SHE: variants seen among roughly 807,000 people sequenced by gnomAD.
SHE encodes Src homology 2 domain containing E.
A neutral mutation model predicts 49.8 loss-of-function variants in SHE; 11 were observed. The ratio of observed to expected loss-of-function variants is 0.22; its 90% confidence interval spans 0.14 to 0.37. The LOEUF (loss-of-function observed/expected upper bound fraction) is 0.37. SHE is among the 10% of genes least tolerant of loss of function. The pLI, the probability that SHE is intolerant of heterozygous loss-of-function variation, is 1.00. For synonymous variants in SHE, 310 were observed against 278.1 expected (o/e 1.11, Z -1.14); for missense variants, 624 against 655.5 (o/e 0.95, Z 0.52).
intron 2 of SHE, among the ~76,000 whole-genome samples, chr1:154,490,199 T>C (rs1439191136): frequency 1.3e-5 from 2 of 152,220 alleles, no homozygotes; most frequent in Non-Finnish European, 2.9e-5. Flanking sequence ...ATAATATGTA[T>C]TGGGCTAATA....
rs1692279970 is a variant in SHE, at chr1:154,489,116, C to T, written c.959G>A (p.Arg320Lys). ...TGGCTGCTCGTACTCTGCCGCGGGC[C>T]TCTCGTCGTTCTCGGGCAGCCGGCT... ...PDSRLPENDE[R>K]PAAEYEQPWE... Residue 320 changes from arginine (R) to lysine (K), a missense_variant, in exon 3 of 6, where the codon AGG (arginine) becomes AAG (lysine). Arg to Lys is a conservative substitution (Grantham distance 26). This residue lies in a region of SHE where 155 missense variants were observed against 142.0 expected (regional missense o/e 1.09). Transcript: ENST00000304760. The T allele has an allele frequency of 3.7e-6, 6 of 1,613,420 alleles. No individual in the cohort carries two copies. Among genetic ancestry groups the T allele is most frequent in the Non-Finnish European group, 5.1e-6 (6 of 1,179,600 alleles).
At chr1:154,488,332 C>A (rs558559526) in intron 3 of SHE, among the ~76,000 whole-genome samples, 10 of 152,054 alleles carry the variant, frequency 6.6e-5, no homozygotes, top group Non-Finnish European at 1.5e-4. Context: ...GATCTCGGCT[C>A]ACTGCAGCCT....
intron 2 of SHE, among the ~76,000 whole-genome samples, chr1:154,498,634 A>G (rs1692612492): frequency 6.7e-6 from 1 of 149,336 alleles, no homozygotes; most frequent in African/African-American, 2.5e-5. Context: ...CTGGCCTCAT[A>G]TGATCTGCCC....
chr1:154,499,061 C>G, intron 2 of SHE, 51 bp downstream of exon 2: 2 of 1,601,670 alleles, frequency 1.2e-6, no homozygotes, highest in South Asian at 2.2e-5. Flanking sequence ...TATTACAACA[C>G]TCACTGAGTG....
intron 2 of SHE, among the ~76,000 whole-genome samples, chr1:154,497,689 T>A (rs1277268757): frequency 6.6e-6 from 1 of 150,592 alleles, no homozygotes; most frequent in Non-Finnish European, 1.5e-5. Flanking sequence ...TTTCTTTTCT[T>A]TTTTTTTTGA....
At chr1:154,501,354 G>T (rs1692731811) in intron 1 of SHE, 82 bp downstream of exon 1, 2 of 1,328,692 alleles carry the variant, frequency 1.5e-6, no homozygotes, top group South Asian at 1.3e-5. Flanking sequence ...CTGCCTCTTA[G>T]GTCTAAAGAA....
chr1:154,470,255 G>A (rs1299324813), exon 2 of SHE: 3 of 1,255,902 alleles, frequency 2.4e-6, no homozygotes, highest in East Asian at 5.6e-5. Flanking sequence ...GTGGGCACTG[G>A]AGCCAGGACG....
At chr1:154,475,532 C>T (rs571055615), downstream of SHE, among the ~76,000 whole-genome samples, 4 of 152,246 alleles carry the variant, frequency 2.6e-5, no homozygotes, top group East Asian at 1.9e-4. Context: ...CACTGAAGAC[C>T]GGATTTGCTC....
At chr1:154,490,902 T>C (rs1692341934) in intron 2 of SHE, among the ~76,000 whole-genome samples, 1 of 151,696 alleles carries the variant, frequency 6.6e-6, no homozygotes, top group African/African-American at 2.4e-5. Flanking sequence ...TAGTCTGAAA[T>C]GGGGCATAAA....
intron 1 of SHE, among the ~76,000 whole-genome samples, chr1:154,500,865 G>A (rs768656810): frequency 6.6e-6 from 1 of 152,002 alleles, no homozygotes; most frequent in African/African-American, 2.4e-5. Context: ...TGGCTGCTGC[G>A]CAACAAATGC....
In SHE at chr1:154,489,221, T is replaced by C. The variant is rs1263709295; in HGVS notation, c.854A>G (p.Lys285Arg). ...KRRSSKDLLG[K>R]PPQLYDTPYE... ...GGGAGTGTCGTATAGCTGTGGCGGC[T>C]TCCCCAGGAGGTCCTTGGAACTCCG... The change falls in exon 3 of 6, where the codon AAG (lysine) becomes AGG (arginine). Residue 285 changes from lysine to arginine, a missense_variant. Physicochemically the swap from Lys to Arg is conservative, Grantham distance 26. Coordinates refer to ENST00000304760, the MANE Select transcript of SHE (RefSeq NM_001010846.3). 6.2e-7 allele frequency: 1 copy of C among 1,614,204 alleles called. No homozygotes were observed. The highest frequency in any genetic ancestry group is 8.5e-7 in the Non-Finnish European group (1 of 1,180,030).
chr1:154,483,280 T>A lies in SHE; in HGVS notation c.*869A>T. 1.0e-6 allele frequency: 1 copy of A among 985,366 alleles called. No homozygotes were observed. The highest frequency in any genetic ancestry group is 4.7e-5 in the South Asian group (1 of 21,280). 61.0% of individuals were successfully genotyped at this position (985,366 alleles called of 1,614,324 possible). Reference sequence around the variant, plus strand: ...TTGGAAAGGCTGACCAACAAAATAATCCTTAGGCCACACTCTGAAGTTGCG... The same window carrying A: ...TTGGAAAGGCTGACCAACAAAATAAACCTTAGGCCACACTCTGAAGTTGCG... On this transcript the variant is annotated 3_prime_UTR_variant, in exon 6 of 6. Coordinates refer to ENST00000304760, the MANE Select transcript of SHE (RefSeq NM_001010846.3).
chr1:154,501,556 C>T lies in SHE; in HGVS notation c.471G>A (p.Gly157=), dbSNP rs1429934375. The change falls in exon 1 of 6, where the codon GGG becomes GGA. Residue 157 remains glycine, a synonymous_variant. Coordinates refer to ENST00000304760, the MANE Select transcript of SHE (RefSeq NM_001010846.3). The part of the protein sequence containing the change: ...LIKVDTQEKN[G]KSNYPSSSSS... ...TACTGCTGCTGGGGTAGTTGCTCTT[C>T]CCGTTCTTCTCCTGAGTGTCCACCT... 1 of 1,614,080 alleles carries T rather than the reference C, an allele frequency of 6.2e-7. No homozygotes were observed. The highest frequency in any genetic ancestry group is 8.5e-7 in the Non-Finnish European group (1 of 1,179,958).
chr1:154,481,323 A>AT lies in SHE; in HGVS notation c.*2825dup. 2 of 985,438 alleles carry AT rather than the reference A, an allele frequency of 2.0e-6. No homozygotes were observed. The highest frequency in any genetic ancestry group is 2.4e-6 in the Non-Finnish European group (2 of 829,934). The allele number at this position is 985,438 out of a possible 1,614,324, so 61.0% of individuals were successfully genotyped here. On this transcript the variant is annotated 3_prime_UTR_variant, in exon 6 of 6. Transcript: ENST00000304760. ...ACCTCTGACTTCCCACTAATTTACT[A>AT]TATTTCTTCTTATAACCTCCTGTAC...
At chr1:154,495,780 C>T (rs1352902471) in intron 2 of SHE, among the ~76,000 whole-genome samples, 2 of 151,682 alleles carry the variant, frequency 1.3e-5, no homozygotes, top group Non-Finnish European at 2.9e-5. Flanking sequence ...TCTAAAACAA[C>T]ATATGGGCAG....
intron 2 of SHE, among the ~76,000 whole-genome samples, chr1:154,491,523 G>A (rs1475422775): frequency 1.3e-5 from 2 of 152,140 alleles, no homozygotes; most frequent in African/African-American, 2.4e-5. Flanking sequence ...AGTTAAACAG[G>A]TGCCACGGCT....
chr1:154,473,165 A>AT (rs1691783395), intron 1 of SHE, among the ~76,000 whole-genome samples: 1 of 151,506 alleles, frequency 6.6e-6, no homozygotes, highest in African/African-American at 2.4e-5. Flanking sequence ...TGCTCGGCTA[A>AT]TTTTTTGTAT....
chr1:154,494,142 C>G (rs1318557058), intron 2 of SHE, among the ~76,000 whole-genome samples: 2 of 152,156 alleles, frequency 1.3e-5, no homozygotes, highest in African/African-American at 4.8e-5. Context: ...AGAAACAGGG[C>G]TGCCCGACAA....
intron 2 of SHE, among the ~76,000 whole-genome samples, chr1:154,491,776 G>T (rs1394421928): frequency 6.6e-6 from 1 of 151,770 alleles, no homozygotes; most frequent in Non-Finnish European, 1.5e-5. Context: ...ACGTCAAGGG[G>T]TTAACAAATG....
Sources: allele counts gnomAD v4.1 joint callset (sites outside exome capture counted in the v4.1 genomes callset), GRCh38; gene constraint gnomAD v4.1.1; regional missense constraint gnomAD v4.1.1; transcripts MANE v1.5; gene names NCBI Gene and HGNC (gene_info 2026-07-23, HGNC 2026-07-21).